Variants in IL15 observed in about 807,000 individuals in gnomAD.
The protein encoded by IL15 is interleukin-15.
Under a neutral mutation model 19.6 loss-of-function variants are expected in IL15, and 11 were observed. The ratio of observed to expected loss-of-function variants is 0.56; its 90% CI spans 0.35 to 0.93. The LOEUF (loss-of-function observed/expected upper bound fraction) is 0.93, where lower values mean the gene tolerates loss of function less well. IL15 is among the 40% of genes least tolerant of loss of function. IL15 has a pLI of 0.01. For missense variants in IL15, 197 were observed against 186.5 expected (o/e 1.06, Z -0.33); for synonymous variants, 58 against 59.6 (o/e 0.97, Z 0.12).
chr4:141,637,770 T>C (rs1726906282), intron 1 of IL15, among the ~76,000 whole-genome samples: 1 of 152,222 alleles, frequency 6.6e-6, no homozygotes, highest in South Asian at 2.1e-4. Flanking sequence ...GTTTCCATTA[T>C]ATATTTTTAA....
intron 2 of IL15, among the ~76,000 whole-genome samples, chr4:141,692,055 C>G (rs994073282): frequency 6.6e-6 from 1 of 152,220 alleles, no homozygotes; most frequent in African/African-American, 2.4e-5. Flanking sequence ...TCCCAAAGCT[C>G]AATTCTTGTC....
intron 2 of IL15, chr4:141,704,539 C>T (rs1166817414): frequency 1.0e-5 from 3 of 293,568 alleles, no homozygotes; most frequent in Non-Finnish European, 1.4e-5. Context: ...GTTTTGGAAT[C>T]GGATTAATGC....
intron 1 of IL15, among the ~76,000 whole-genome samples, chr4:141,646,483 A>G (rs528234808): frequency 1.8e-4 from 27 of 152,192 alleles, no homozygotes; most frequent in African/African-American, 6.3e-4. Flanking sequence ...TTTGTCTCAA[A>G]TATCCCTGTT....
intron 6 of IL15, among the ~76,000 whole-genome samples, chr4:141,728,862 C>T (rs770418332): frequency 6.6e-6 from 1 of 152,100 alleles, no homozygotes; most frequent in Non-Finnish European, 1.5e-5. Flanking sequence ...CAATTAGCCA[C>T]CAAATTCAGC....
At chr4:141,641,299 T>C (rs1401922523) in intron 1 of IL15, among the ~76,000 whole-genome samples, 1 of 152,168 alleles carries the variant, frequency 6.6e-6, no homozygotes, top group African/African-American at 2.4e-5. Flanking sequence ...ATAAAATTAA[T>C]CAAAGGAACC....
chr4:141,642,012 T>G (rs1416243786), intron 1 of IL15, among the ~76,000 whole-genome samples: 1 of 150,576 alleles, frequency 6.6e-6, no homozygotes, highest in African/African-American at 2.4e-5. Flanking sequence ...TATTGGAGAA[T>G]AATAATAATA....
At chr4:141,660,232 A>G (rs1238279944) in intron 2 of IL15, among the ~76,000 whole-genome samples, 2 of 152,140 alleles carry the variant, frequency 1.3e-5, no homozygotes, top group African/African-American at 4.8e-5. Flanking sequence ...CTTTATCATG[A>G]TTTCTTTGCT....
intron 1 of IL15, among the ~76,000 whole-genome samples, chr4:141,648,342 G>A (rs558495285): frequency 6.6e-6 from 1 of 151,932 alleles, no homozygotes; most frequent in African/African-American, 2.4e-5. Flanking sequence ...TTATAGAGGG[G>A]ATAATTTTAT....
At chr4:141,669,923 A>C (rs892748287) in intron 2 of IL15, among the ~76,000 whole-genome samples, 1 of 151,928 alleles carries the variant, frequency 6.6e-6, no homozygotes, top group Non-Finnish European at 1.5e-5. Context: ...CACCGTGTGG[A>C]TAATTTGAAA....
chr4:141,710,430 C>G (rs1038588167), intron 2 of IL15, among the ~76,000 whole-genome samples: 3 of 151,786 alleles, frequency 2.0e-5, no homozygotes, highest in African/African-American at 7.3e-5. Flanking sequence ...CTTGGCATAT[C>G]TTTTTTTTGT....
intron 2 of IL15, among the ~76,000 whole-genome samples, chr4:141,691,868 G>C (rs1411432217): frequency 6.6e-6 from 1 of 152,186 alleles, no homozygotes; most frequent in Non-Finnish European, 1.5e-5. Flanking sequence ...GTCAGTGGCT[G>C]TCTTCTGACA....
chr4:141,657,296 A>G (rs752941415), intron 2 of IL15, among the ~76,000 whole-genome samples: 33 of 152,314 alleles, frequency 2.2e-4, no homozygotes, highest in Non-Finnish European at 3.4e-4. Flanking sequence ...GGTTGATTCA[A>G]TGAGTGAGTG....
intron 1 of IL15, among the ~76,000 whole-genome samples, chr4:141,651,189 T>C (rs956508779): frequency 6.6e-6 from 1 of 151,912 alleles, no homozygotes; most frequent in Non-Finnish European, 1.5e-5. Context: ...ACACACCATC[T>C]ATATATATAC....
chr4:141,696,745 C>CA (rs1729108737), intron 2 of IL15, among the ~76,000 whole-genome samples: 1 of 152,046 alleles, frequency 6.6e-6, no homozygotes, highest in Non-Finnish European at 1.5e-5. Flanking sequence ...TTTTAATTTG[C>CA]ATTTCCCTGA....
intron 2 of IL15, among the ~76,000 whole-genome samples, chr4:141,683,500 G>A (rs1048729830): frequency 1.3e-5 from 2 of 151,566 alleles, no homozygotes; most frequent in Non-Finnish European, 2.9e-5. Flanking sequence ...GACCCTGGGA[G>A]GCGGGGGTTG....
intron 2 of IL15, among the ~76,000 whole-genome samples, chr4:141,692,578 T>C (rs1451019677): frequency 6.6e-6 from 1 of 152,182 alleles, no homozygotes; most frequent in East Asian, 1.9e-4. Flanking sequence ...TTTAGAAATT[T>C]CTTCTGCCGG....
At chr4:141,657,499 A>G (rs1030850062) in intron 2 of IL15, among the ~76,000 whole-genome samples, 3 of 152,142 alleles carry the variant, frequency 2.0e-5, no homozygotes, top group African/African-American at 7.2e-5. Flanking sequence ...TAATAACACA[A>G]CTTAAAGCAC....
chr4:141,660,169 C>T (rs1199877050), intron 2 of IL15, among the ~76,000 whole-genome samples: 3 of 152,138 alleles, frequency 2.0e-5, no homozygotes, highest in Non-Finnish European at 2.9e-5. Flanking sequence ...GGGCTCCATG[C>T]TAAAGAAACT....
At chr4:141,644,021 T>C (rs1255296215) in intron 1 of IL15, among the ~76,000 whole-genome samples, 1 of 151,960 alleles carries the variant, frequency 6.6e-6, no homozygotes, top group Non-Finnish European at 1.5e-5. Context: ...GGTTTGTCCT[T>C]AACGTCTCTT....
Sources: allele counts gnomAD v4.1 joint callset (sites outside exome capture counted in the v4.1 genomes callset), GRCh38; gene constraint gnomAD v4.1.1; transcripts MANE v1.5; gene names NCBI Gene and HGNC (gene_info 2026-07-23, HGNC 2026-07-21).